Variants in PPAT observed in about 807,000 individuals in gnomAD.
The protein encoded by PPAT is amidophosphoribosyltransferase.
A neutral mutation model predicts 60.2 loss-of-function variants in PPAT; 20 were observed. The ratio of observed to expected loss-of-function variants is 0.33; its 90% CI spans 0.23 to 0.48. The LOEUF (loss-of-function observed/expected upper bound fraction) is 0.48. PPAT is among the 20% of genes least tolerant of loss of function. The pLI, the probability that PPAT is intolerant of heterozygous loss-of-function variation, is 0.99. For missense variants in PPAT, 349 were observed against 629.6 expected (o/e 0.55, Z 4.77); for synonymous variants, 194 against 215.1 (o/e 0.90, Z 0.86).
chr4:56,407,543 C>A lies in PPAT; in HGVS notation c.195+107G>T, dbSNP rs543625932. ...ATGTTGGTCAGGCTGGTCTTGAACT[C>A]CCGACCTCAGGTGATCCTCCTGCCT... On this transcript the variant is annotated intron_variant, in intron 2 of 10. Coordinates refer to ENST00000264220, the MANE Select transcript of PPAT (RefSeq NM_002703.5). 48 of 849,960 alleles carry A rather than the reference C, an allele frequency of 5.6e-5. 1 individual carries two copies. The South Asian group carries it at 6.9e-4, about 12-fold the overall frequency. The allele number at this position is 849,960 out of a possible 1,614,324, so 52.7% of individuals were successfully genotyped here. A position where few individuals can be genotyped will look rare whatever the true frequency, so the allele number is the denominator to read the frequency against.
At chr4:56,435,198 A>G in intron 1 of PPAT, 152 bp downstream of exon 1, 1 of 1,157,198 alleles carries the variant, frequency 8.6e-7, no homozygotes, top group Non-Finnish European at 1.2e-6. Context: ...GTGCACGCCT[A>G]GGCAACCCGG....
intron 1 of PPAT, among the ~76,000 whole-genome samples, chr4:56,432,657 C>A (rs1481570368): frequency 6.6e-6 from 1 of 151,116 alleles, no homozygotes; most frequent in African/African-American, 2.4e-5. Context: ...TGGTGGGGGG[C>A]GCCTGTAGTC....
chr4:56,421,101 C>T (rs971191514), intron 1 of PPAT: 8 of 152,280 alleles, frequency 5.3e-5, no homozygotes, highest in African/African-American at 1.2e-4. Context: ...CTGAGCTCCG[C>T]GACTCCTGTC....
chr4:56,395,368 A>C lies in PPAT; in HGVS notation c.1538T>G (p.Val513Gly). The change falls in exon 11 of 11, where the codon GTA becomes GGA. Residue 513 changes from valine (V) to glycine (G), a missense_variant. By Grantham distance (109) the Val-to-Gly change is moderately radical. Coordinates refer to ENST00000264220, the MANE Select transcript of PPAT (RefSeq NM_002703.5). ...CCCTACCAGCTACCATTCTAATTCTACAGGATATTTTCCAGTGAGACAAGC... is the reference window on the plus strand; with the variant it reads ...CCCTACCAGCTACCATTCTAATTCTCCAGGATATTTTCCAGTGAGACAAGC... ...CTACLTGKYP[V>G]ELEW 6.2e-7 allele frequency: 1 copy of C among 1,606,340 alleles called. No homozygotes were observed. The highest frequency in any genetic ancestry group is 8.5e-7 in the Non-Finnish European group (1 of 1,175,020).
chr4:56,395,296 C>T lies in PPAT; in HGVS notation c.*56G>A. 6.9e-7 allele frequency: 1 copy of T among 1,447,610 alleles called. No homozygotes were observed. Among genetic ancestry groups the T allele is most frequent in the Non-Finnish European group, 9.5e-7 (1 of 1,051,496 alleles). The allele number at this position is 1,447,610 out of a possible 1,614,324, so 89.7% of individuals were successfully genotyped here. A position where few individuals can be genotyped will look rare whatever the true frequency, so the allele number is the denominator to read the frequency against. ...ACAGTAAATAGATGAGGTGTGACCA[C>T]TATAACTTCTTGACCAACTTTCTAT... On this transcript the variant is annotated 3_prime_UTR_variant, in exon 11 of 11. Coordinates refer to ENST00000264220, the MANE Select transcript of PPAT (RefSeq NM_002703.5).
chr4:56,428,903 G>A, intron 1 of PPAT: 1 of 605,348 alleles, frequency 1.7e-6, no homozygotes, highest in Non-Finnish European at 2.1e-6. Flanking sequence ...TTCAAATGAT[G>A]TCACATAATG....
intron 8 of PPAT, 82 bp downstream of exon 8, chr4:56,400,702 G>T: frequency 7.4e-7 from 1 of 1,359,668 alleles, no homozygotes; most frequent in Non-Finnish European, 9.8e-7. Flanking sequence ...TAGAAATGTT[G>T]ATGAGTTTCT....
At chr4:56,420,990 C>T (rs549211452) in intron 1 of PPAT, 8 of 152,328 alleles carry the variant, frequency 5.3e-5, no homozygotes, top group Non-Finnish European at 1.0e-4. Context: ...CCTTACTGGT[C>T]CGTGGCCTGT....
Position 56,396,593 on chromosome 4 carries a change from A to G in PPAT, c.1357+26T>C. On this transcript the variant is annotated intron_variant, in intron 10 of 10. Transcript: ENST00000264220. The surrounding 1 kb of genome is among the most constrained non-coding windows in gnomAD (Gnocchi z 4.6). ...TTTGGATTTTCTCTGTTAATAATCA[A>G]AGTTTATAGAAATTTTAATACTTAC... 4 of 1,579,324 alleles carry G rather than the reference A, an allele frequency of 2.5e-6. No homozygotes were observed. Among genetic ancestry groups the G allele is most frequent in the Non-Finnish European group, 2.6e-6 (3 of 1,154,948 alleles).
intron 5 of PPAT, among the ~76,000 whole-genome samples, chr4:56,402,385 C>T (rs1399825327): frequency 1.3e-5 from 2 of 152,066 alleles, no homozygotes; most frequent in African/African-American, 2.4e-5. Flanking sequence ...ATTATGATTT[C>T]ATGGCTAGAA....
chr4:56,396,534 C>A lies in PPAT; in HGVS notation c.1357+85G>T. The A allele has an allele frequency of 2.3e-6, 3 of 1,327,432 alleles. No individual in the cohort carries two copies. Among genetic ancestry groups the A allele is most frequent in the Non-Finnish European group, 3.1e-6 (3 of 958,010 alleles). The allele number at this position is 1,327,432 out of a possible 1,614,324, so 82.2% of individuals were successfully genotyped here. On this transcript the variant is annotated intron_variant, in intron 10 of 10. Transcript: ENST00000264220. This position sits in a 1 kb window ranked among gnomAD's most constrained non-coding sequence, Gnocchi z 4.6. ...AACTACTTTTAACAAACACTGAATA[C>A]TCCTTTTTACTAAAGGTGTAAAGAC...
In PPAT at chr4:56,407,962, G is replaced by C. The variant is rs1421558588; in HGVS notation, c.129-246C>G. ...CTAACATGCCAGGCAGTCTGTCCTA[G>C]CATTTTACGTTGTAAAAATAAATAA... On this transcript the variant is annotated intron_variant, in intron 1 of 10. Coordinates refer to ENST00000264220, the MANE Select transcript of PPAT (RefSeq NM_002703.5). 26 of 393,934 alleles carry C rather than the reference G, an allele frequency of 6.6e-5. No individual in the cohort carries two copies. The Admixed American group carries it at 9.5e-4, about 14-fold the overall frequency. 24.4% of individuals were successfully genotyped at this position (393,934 alleles called of 1,614,324 possible). A position where few individuals can be genotyped will look rare whatever the true frequency, so the allele number is the denominator to read the frequency against.
intron 9 of PPAT, among the ~76,000 whole-genome samples, chr4:56,397,643 T>C (rs1020371958): frequency 1.3e-5 from 2 of 152,204 alleles, no homozygotes; most frequent in African/African-American, 4.8e-5. Flanking sequence ...AGAATAAGCT[T>C]TGAAATCTTA....
chr4:56,400,588 C>T (rs1716086622), intron 8 of PPAT, 196 bp downstream of exon 8: 3 of 527,446 alleles, frequency 5.7e-6, no homozygotes, highest in Non-Finnish European at 3.1e-6. Context: ...TTCAGTGAAC[C>T]TTTTAGTGGT....
chr4:56,429,842 T>G (rs1266831009), intron 1 of PPAT, among the ~76,000 whole-genome samples: 1 of 152,212 alleles, frequency 6.6e-6, no homozygotes, highest in Non-Finnish European at 1.5e-5. Context: ...CACCATAGAT[T>G]AGTTTGGGAT....
chr4:56,399,541 A>G (rs1390986444), intron 8 of PPAT, 141 bp from the exon 9 acceptor site: 1 of 643,868 alleles, frequency 1.6e-6, no homozygotes, highest in African/African-American at 1.8e-5. Context: ...AGGCAAAAAG[A>G]AAAACCACTA....
chr4:56,410,266 T>C (rs1210230692), intron 1 of PPAT, among the ~76,000 whole-genome samples: 1 of 152,240 alleles, frequency 6.6e-6, no homozygotes, highest in South Asian at 2.1e-4. Flanking sequence ...ACGGTTTTCT[T>C]TCCCTTTTGT....
intron 1 of PPAT, among the ~76,000 whole-genome samples, chr4:56,426,106 A>G (rs1393279377): frequency 6.6e-6 from 1 of 152,172 alleles, no homozygotes; most frequent in African/African-American, 2.4e-5. Context: ...TCACCCCACA[A>G]AGAAATCCCG....
At chr4:56,407,371 T>C (rs999499211) in intron 2 of PPAT, among the ~76,000 whole-genome samples, 1 of 151,466 alleles carries the variant, frequency 6.6e-6, no homozygotes, top group East Asian at 1.9e-4. Flanking sequence ...CAGGCTGGAG[T>C]ACAATGGCGC....
Sources: allele counts gnomAD v4.1 joint callset (sites outside exome capture counted in the v4.1 genomes callset), GRCh38; gene constraint gnomAD v4.1.1; non-coding constraint Gnocchi (gnomAD v3.1); transcripts MANE v1.5; gene names NCBI Gene and HGNC (gene_info 2026-07-23, HGNC 2026-07-21).